The following NSD2 variants were observed in gnomAD, a reference collection of about 807,000 sequenced individuals.
NSD2 encodes nuclear receptor binding SET domain protein 2, also known as histone-lysine N-methyltransferase NSD2.
In NSD2, 12 loss-of-function variants were observed where a neutral mutation model predicts 139.0. That is an observed-to-expected ratio of 0.09 (90% CI 0.06 to 0.14). The LOEUF is 0.14. Among genes scored for constraint, NSD2 ranks in the 10% least tolerant of loss-of-function variants. NSD2 has a pLI of 1.00. For missense variants in NSD2, 1,155 were observed against 1,745.0 expected, an observed-to-expected ratio of 0.66 and a Z score of 6.02; for synonymous variants, 669 against 648.7, an observed-to-expected ratio of 1.03 and a Z score of -0.48.
Position 1,976,532 on chromosome 4 carries a change from C to T in NSD2, c.3679C>T (p.Arg1227Trp). ...KGKKTKKKTR[R>W]RRAKGEGKRQ... Reference sequence around the variant, plus strand: ...CAAAAAGACCAAGAAGAAAACGAGGCGGCGCAGAGCAAAAGGGGAAGGGAA... The same window carrying T: ...CAAAAAGACCAAGAAGAAAACGAGGTGGCGCAGAGCAAAAGGGGAAGGGAA... Residue 1227 changes from arginine to tryptophan, a missense_variant, in exon 21 of 22, where the codon CGG becomes TGG. Arg to Trp is a moderately radical substitution (Grantham distance 101). Around this residue, in one of 8 missense-constraint regions of NSD2, gnomAD observed 39 missense variants for 43.5 expected, o/e 0.90. Coordinates refer to ENST00000508803, the MANE Select transcript of NSD2 (RefSeq NM_001042424.3). The surrounding 1 kb of genome is among the most constrained non-coding windows in gnomAD (Gnocchi z 5.3). 6.2e-7 allele frequency: 1 copy of T among 1,613,890 alleles called. No homozygotes were observed. Among genetic ancestry groups the T allele is most frequent in the Non-Finnish European group, 8.5e-7 (1 of 1,179,920 alleles).
At chr4:1,953,010 G>C (rs913111288) in intron 11 of NSD2, 5 of 1,439,960 alleles carry the variant, frequency 3.5e-6, no homozygotes, top group Non-Finnish European at 4.5e-6. Flanking sequence ...AGGAGGAAAG[G>C]CCTCTTTTCA....
At chr4:1,975,205 A>G in intron 19 of NSD2, 89 bp from the exon 20 acceptor site, 3 of 1,433,756 alleles carry the variant, frequency 2.1e-6, no homozygotes, top group Non-Finnish European at 2.9e-6. Context: ...AAATAATAAG[A>G]GTATTTTTGT....
Position 1,978,799 on chromosome 4 carries a change from G to T in NSD2, c.3988G>T (p.Ala1330Ser). 3 of 1,612,814 alleles carry T rather than the reference G, an allele frequency of 1.9e-6. No individual in the cohort carries two copies. The highest frequency in any genetic ancestry group is 2.5e-6 in the Non-Finnish European group (3 of 1,179,034). The change falls in exon 22 of 22, where the codon GCG (alanine) becomes TCG (serine). Residue 1330 changes from alanine to serine, a missense_variant. Ala to Ser is a moderately conservative substitution (Grantham distance 99, BLOSUM62 1). This residue lies in a region of NSD2 where 132 missense variants were observed against 94.3 expected (regional missense o/e 1.40). Coordinates refer to ENST00000508803, the MANE Select transcript of NSD2 (RefSeq NM_001042424.3). ...RSYCCEHDLGAASVRSTKTEK... is the reference protein window; with the variant it reads ...RSYCCEHDLGSASVRSTKTEK... ...CTACTGCTGTGAGCATGACTTAGGG[G>T]CGGCATCGGTCAGAAGCACCAAGAC...
intron 18 of NSD2, among the ~76,000 whole-genome samples, chr4:1,966,849 T>C (rs1214319741): frequency 1.3e-5 from 2 of 152,168 alleles, no homozygotes; most frequent in East Asian, 3.8e-4. Flanking sequence ...GATTTTGTGA[T>C]ATGAGCAACT....
At chr4:1,891,194 T>C (rs1288696176) in intron 1 of NSD2, among the ~76,000 whole-genome samples, 1 of 152,174 alleles carries the variant, frequency 6.6e-6, no homozygotes, top group Admixed American at 6.6e-5. Flanking sequence ...GTGCCCCGCC[T>C]ACGTGGAATT....
rs78845204 is a variant in NSD2 at position 1,939,288 on chromosome 4, A to G, written c.1757-366A>G. On this transcript the variant is annotated intron_variant, in intron 8 of 21. Coordinates refer to ENST00000508803, the MANE Select transcript of NSD2 (RefSeq NM_001042424.3). ...TGTTACTTTTAAGTGTGGGAGTAGCATTGTGGTTATATGTAAGACTTTATG... is the reference window on the plus strand; with the variant it reads ...TGTTACTTTTAAGTGTGGGAGTAGCGTTGTGGTTATATGTAAGACTTTATG... The G allele has an allele frequency of 5.8e-4, 126 of 217,712 alleles. No individual in the cohort carries two copies. The East Asian group carries it at 0.011, about 19-fold the overall frequency. The allele number at this position is 217,712 out of a possible 1,614,324, so 13.5% of individuals were successfully genotyped here. A position where few individuals can be genotyped will look rare whatever the true frequency, so the allele number is the denominator to read the frequency against.
intron 9 of NSD2, chr4:1,943,473 C>G (rs1198248091): frequency 9.6e-7 from 1 of 1,045,354 alleles, no homozygotes; most frequent in Non-Finnish European, 1.2e-6. Context: ...ATAAATTTTG[C>G]TTTGGCATGA....
chr4:1,900,741 C>T lies in NSD2; in HGVS notation c.87C>T (p.Gly29=), dbSNP rs1362952268. ...TGAAGCAGGCACCAGAAATCCTCGG[C>T]AGTGCCAACGGGAAGACTCCGAGCT... ...IKMKQAPEIL[G]SANGKTPSCE... is the part of the protein sequence containing the mutation. The change falls in exon 2 of 22, where the codon GGC becomes GGT. Residue 29 remains glycine, a synonymous_variant. Transcript: ENST00000508803. 1.9e-6 allele frequency: 3 copies of T among 1,614,104 alleles called. No homozygotes were observed. Among genetic ancestry groups the T allele is most frequent in the Non-Finnish European group, 2.5e-6 (3 of 1,180,020 alleles).
intron 1 of NSD2, among the ~76,000 whole-genome samples, chr4:1,880,855 C>G (rs1202841020): frequency 6.6e-6 from 1 of 152,158 alleles, no homozygotes; most frequent in Admixed American, 6.5e-5. Context: ...TGTGTCAGAT[C>G]AGTTTGTTAG....
At chr4:1,947,269 C>T in intron 9 of NSD2, 1 of 1,063,240 alleles carries the variant, frequency 9.4e-7, no homozygotes. Flanking sequence ...CAAGGGCAGG[C>T]CTTGAATTGG....
At chr4:1,963,618 C>A (rs1162355692) in intron 18 of NSD2, among the ~76,000 whole-genome samples, 4 of 152,216 alleles carry the variant, frequency 2.6e-5, no homozygotes, top group African/African-American at 9.7e-5. Context: ...CAAGTTGGTT[C>A]CTGACATGGT....
intron 3 of NSD2, among the ~76,000 whole-genome samples, chr4:1,914,164 A>C (rs1719051768): frequency 6.6e-6 from 1 of 151,094 alleles, no homozygotes; most frequent in Admixed American, 6.6e-5. Context: ...CTGGGACTAC[A>C]GGTGTGTGCC....
rs764970673 is a variant in NSD2, at chr4:1,974,773, T to G, written c.3373-90T>G. 3.8e-6 allele frequency: 6 copies of G among 1,573,222 alleles called. 1 individual carries two copies. The highest frequency in any genetic ancestry group is 5.2e-6 in the Non-Finnish European group (6 of 1,145,886). ...TTTCAGTACAACAAGGAACACAACTTGTTCAATGTGCTTTATGATGGTGAA... is the reference window on the plus strand; with the variant it reads ...TTTCAGTACAACAAGGAACACAACTGGTTCAATGTGCTTTATGATGGTGAA... On this transcript the variant is annotated intron_variant, in intron 18 of 21. Coordinates refer to ENST00000508803, the MANE Select transcript of NSD2 (RefSeq NM_001042424.3). The surrounding 1 kb of genome is among the most constrained non-coding windows in gnomAD (Gnocchi z 4.0).
chr4:1,963,612 T>G (rs1471568979), intron 18 of NSD2, among the ~76,000 whole-genome samples: 1 of 152,262 alleles, frequency 6.6e-6, no homozygotes, highest in Non-Finnish European at 1.5e-5. Context: ...AATCCACAAG[T>G]TGGTTCCTGA....
chr4:1,926,248 A>G (rs1220541403), intron 5 of NSD2, among the ~76,000 whole-genome samples: 1 of 146,642 alleles, frequency 6.8e-6, no homozygotes, highest in East Asian at 2.0e-4. Flanking sequence ...TCCGTCTCCC[A>G]GGTTCAAACG....
At chr4:1,886,739 G>A (rs572943975) in intron 1 of NSD2, among the ~76,000 whole-genome samples, 1 of 152,224 alleles carries the variant, frequency 6.6e-6, no homozygotes, top group South Asian at 2.1e-4. Context: ...TCAGGAGGCT[G>A]AGGCAGGGTA....
At position 1,973,742 on chromosome 4, in the gene NSD2, G is replaced by A. The variant is rs1347890499; in HGVS notation, c.3373-1121G>A. On this transcript the variant is annotated intron_variant, in intron 18 of 21. Transcript: ENST00000508803. The surrounding 1 kb of genome is among the most constrained non-coding windows in gnomAD (Gnocchi z 5.5). ...CGTGTGAATAGTGACTCCGAAGCCT[G>A]CCGCTTCCTGGGACCATGTTTATCC... Among the ~76,000 whole-genome samples the A allele has an allele frequency of 1.3e-5, 2 of 152,256 alleles. No homozygotes were observed. The highest frequency in any genetic ancestry group is 1.5e-5 in the Non-Finnish European group (1 of 68,048).
chr4:1,961,721 G>A (rs1725390296), intron 18 of NSD2, among the ~76,000 whole-genome samples: 1 of 152,230 alleles, frequency 6.6e-6, no homozygotes, highest in South Asian at 2.1e-4. Flanking sequence ...CTCTGGGCCT[G>A]ATGCCCAATC....
chr4:1,939,774 A>G lies in NSD2; in HGVS notation c.1877A>G (p.Asn626Ser). The G allele has an allele frequency of 6.2e-7, 1 of 1,614,190 alleles. No homozygotes were observed. The highest frequency in any genetic ancestry group is 8.5e-7 in the Non-Finnish European group (1 of 1,180,018). Residue 626 changes from asparagine (N) to serine (S), a missense_variant, in exon 9 of 22, where the codon AAT becomes AGT. Asn to Ser is a conservative substitution (Grantham distance 46, BLOSUM62 1). This residue lies in a region of NSD2 where 420 missense variants were observed against 469.0 expected (regional missense o/e 0.90). Transcript: ENST00000508803. ...SSSPSASLTENEVSDSPGDEP... is the reference protein window; with the variant it reads ...SSSPSASLTESEVSDSPGDEP... ...TCTCCTTCTGCATCCTTAACTGAGA[A>G]TGAGGTAAAATAATAATAATAACGA... is the stretch of plus-strand genomic sequence containing the variant.
Sources: gnomAD v4.1 joint callset for allele counts (sites outside exome capture counted in the v4.1 genomes callset) on GRCh38, gnomAD v4.1.1 for gene constraint, gnomAD v4.1.1 regional missense constraint, Gnocchi (gnomAD v3.1) non-coding constraint, MANE v1.5 for transcripts, NCBI Gene and HGNC (gene_info 2026-07-23, HGNC 2026-07-21) for gene names.